The following DCAF8L2 variants were observed in gnomAD, a reference collection of about 807,000 sequenced individuals.
DCAF8L2 encodes DDB1 and CUL4 associated factor 8 like 2.
For missense variants in DCAF8L2, 430 were observed against 490.7 expected (o/e 0.88, Z 1.17); for synonymous variants, 200 against 190.9 (o/e 1.05, Z -0.39).
At chrX:27,531,290 T>TA in the DCAF8L2 span, among the ~76,000 whole-genome samples, 2 of 111,230 alleles carry the variant, frequency 1.8e-5, no homozygotes, top group Non-Finnish European at 3.8e-5. Flanking sequence ...AACTCCCCTT[T>TA]ATAAAACCAT....
At chrX:27,469,357 T>G in the DCAF8L2 span, among the ~76,000 whole-genome samples, 10 of 112,086 alleles carry the variant, frequency 8.9e-5, no homozygotes, top group African/African-American at 3.2e-4. Context: ...GCTCTCTGCT[T>G]ACTAATTACC....
intron 4 of DCAF8L2, among the ~76,000 whole-genome samples, chrX:27,734,707 G>A (rs952181475): frequency 9.0e-6 from 1 of 111,587 alleles, no homozygotes; most frequent in African/African-American, 3.3e-5. Flanking sequence ...ACTTTTGTGT[G>A]TTTTAGTTTT....
chrX:27,569,234 T>C, the DCAF8L2 span, among the ~76,000 whole-genome samples: 1 of 111,298 alleles, frequency 9.0e-6, no homozygotes, highest in Non-Finnish European at 1.9e-5. Flanking sequence ...TCCTCTTTTA[T>C]ATTAAAAATG....
At chrX:27,743,875 G>A (rs1488209294) in intron 4 of DCAF8L2, among the ~76,000 whole-genome samples, 1 of 108,542 alleles carries the variant, frequency 9.2e-6, no homozygotes, top group Non-Finnish European at 1.9e-5. Context: ...TGGAATGACA[G>A]ATGTGTGCCA....
At chrX:27,686,736 C>T (rs916918010) in intron 3 of DCAF8L2, among the ~76,000 whole-genome samples, 1 of 111,595 alleles carries the variant, frequency 9.0e-6, no homozygotes, top group African/African-American at 3.3e-5. Flanking sequence ...TCAAATGTTC[C>T]CAACAGATAG....
intron 3 of DCAF8L2, among the ~76,000 whole-genome samples, chrX:27,704,401 A>G (rs759859437): frequency 9.2e-6 from 1 of 108,865 alleles, no homozygotes; most frequent in Non-Finnish European, 1.9e-5. Context: ...TATTCTAAAT[A>G]AAATATGCCA....
chrX:27,645,452 A>C (rs761444425), intron 2 of DCAF8L2, among the ~76,000 whole-genome samples: 1 of 111,819 alleles, frequency 8.9e-6, no homozygotes, highest in South Asian at 3.7e-4. Flanking sequence ...ACAAACCCAC[A>C]GCCAATATAC....
chrX:27,626,525 A>G (rs1928014795), intron 1 of DCAF8L2, among the ~76,000 whole-genome samples: 1 of 111,823 alleles, frequency 8.9e-6, no homozygotes, highest in Non-Finnish European at 1.9e-5. Context: ...TCAAACCACA[A>G]AGCTAGTTTT....
At chrX:27,505,680 A>G in the DCAF8L2 span, among the ~76,000 whole-genome samples, 19 of 111,525 alleles carry the variant, frequency 1.7e-4, no homozygotes, top group African/African-American at 5.9e-4. Flanking sequence ...AATGAACAGA[A>G]TATGACAAAA....
chrX:27,671,358 T>C (rs1445424290), intron 2 of DCAF8L2, among the ~76,000 whole-genome samples: 1 of 112,186 alleles, frequency 8.9e-6, no homozygotes. Flanking sequence ...TGCTATATAC[T>C]TCTCATTTAA....
At chrX:27,523,669 C>A in the DCAF8L2 span, among the ~76,000 whole-genome samples, 2 of 108,506 alleles carry the variant, frequency 1.8e-5, no homozygotes, top group Non-Finnish European at 3.8e-5. Context: ...GCACAACATG[C>A]AGGATTTTTG....
intron 3 of DCAF8L2, among the ~76,000 whole-genome samples, chrX:27,686,641 A>G (rs1242653380): frequency 1.8e-5 from 2 of 111,600 alleles, no homozygotes; most frequent in African/African-American, 6.5e-5. Flanking sequence ...TAAAAGGAAT[A>G]TATTCTAGTG....
chrX:27,680,156 A>C (rs1360968302), intron 3 of DCAF8L2, among the ~76,000 whole-genome samples: 1 of 111,562 alleles, frequency 9.0e-6, no homozygotes, highest in Non-Finnish European at 1.9e-5. Context: ...ATCACTTTAG[A>C]GGTTCATCAG....
chrX:27,680,766 C>A (rs1298288599), intron 3 of DCAF8L2, among the ~76,000 whole-genome samples: 1 of 101,040 alleles, frequency 9.9e-6, no homozygotes, highest in Middle Eastern at 4.3e-3. Flanking sequence ...AAAGCTGTGT[C>A]CTATAGTTAA....
At chrX:27,580,952 A>AAATT in the DCAF8L2 span, among the ~76,000 whole-genome samples, 6 of 44,619 alleles carry the variant, frequency 1.3e-4, 1 homozygote, top group Non-Finnish European at 2.6e-4. Flanking sequence ...ATCATTAGTG[A>AAATT]AATTAATTTT....
chrX:27,531,762 T>C, the DCAF8L2 span, among the ~76,000 whole-genome samples: 1 of 111,290 alleles, frequency 9.0e-6, no homozygotes, highest in Admixed American at 9.6e-5. Context: ...TAGATTCTGG[T>C]CCTTAAGGCC....
intron 1 of DCAF8L2, among the ~76,000 whole-genome samples, chrX:27,618,207 A>T (rs1438689208): frequency 1.8e-5 from 2 of 112,003 alleles, no homozygotes; most frequent in Non-Finnish European, 3.8e-5. Flanking sequence ...GATGAAAAAC[A>T]TTCATTTCCC....
At chrX:27,474,615 T>G in the DCAF8L2 span, among the ~76,000 whole-genome samples, 1 of 112,289 alleles carries the variant, frequency 8.9e-6, no homozygotes, top group Non-Finnish European at 1.9e-5. Flanking sequence ...TATAAAACAC[T>G]GGTTACTGGT....
At chrX:27,607,628 C>T (rs770012764) in intron 1 of DCAF8L2, among the ~76,000 whole-genome samples, 5 of 111,782 alleles carry the variant, frequency 4.5e-5, no homozygotes, top group Non-Finnish European at 9.4e-5. Flanking sequence ...AGATTCAGCA[C>T]TCTTGCTGCA....
Sources: gnomAD v4.1 joint callset for allele counts (sites outside exome capture counted in the v4.1 genomes callset) on GRCh38, gnomAD v4.1.1 for gene constraint, MANE v1.5 for transcripts, NCBI Gene and HGNC (gene_info 2026-07-23, HGNC 2026-07-21) for gene names.